Variants in BTBD8 observed in about 807,000 individuals in gnomAD.
BTBD8 encodes BTB/POZ domain-containing protein 8.
BTBD8 carries 110 observed loss-of-function variants against 162.9 expected under a neutral mutation model. The observed-to-expected ratio is 0.68, with a 90% CI of 0.58 to 0.79. The LOEUF (loss-of-function observed/expected upper bound fraction) is 0.79, where lower values mean the gene tolerates loss of function less well. Ranked by LOEUF, BTBD8 falls within the 30% of genes least tolerant of loss-of-function variation. The pLI is 0.00. For missense variants in BTBD8, 1,905 were observed against 2,085.4 expected (o/e 0.91, Z 1.68); for synonymous variants, 667 against 716.1 (o/e 0.93, Z 1.10).
At chr1:92,160,956 G>A (rs1275625111) in intron 9 of BTBD8, among the ~76,000 whole-genome samples, 1 of 152,158 alleles carries the variant, frequency 6.6e-6, no homozygotes, top group Non-Finnish European at 1.5e-5. Context: ...GCAACCCCTG[G>A]AAAAGTTGGG....
At chr1:92,178,201 G>T in intron 15 of BTBD8, 111 bp from the exon 16 acceptor site, 1 of 809,538 alleles carries the variant, frequency 1.2e-6, no homozygotes, top group Non-Finnish European at 1.9e-6. Flanking sequence ...TCTATTTTCA[G>T]GAGAGATGTA....
At chr1:92,130,995 C>T (rs996996288) in intron 5 of BTBD8, among the ~76,000 whole-genome samples, 9 of 152,260 alleles carry the variant, frequency 5.9e-5, no homozygotes, top group East Asian at 1.9e-4. Context: ...TGAGCTACTG[C>T]GCTTGGCCTA....
chr1:92,147,615 C>T (rs1270609759), intron 8 of BTBD8, 69 bp from the exon 9 acceptor site: 1 of 1,325,022 alleles, frequency 7.5e-7, no homozygotes, highest in South Asian at 1.3e-5. Flanking sequence ...TAATTGAAAA[C>T]CAAAATATTG....
chr1:92,149,212 G>A (rs1047735326), intron 9 of BTBD8, among the ~76,000 whole-genome samples: 1 of 152,048 alleles, frequency 6.6e-6, no homozygotes, highest in African/African-American at 2.4e-5. Flanking sequence ...AAATATTTTT[G>A]TTTTCCTCCT....
intron 9 of BTBD8, among the ~76,000 whole-genome samples, chr1:92,148,343 A>G (rs912217380): frequency 6.6e-6 from 1 of 152,184 alleles, no homozygotes; most frequent in Non-Finnish European, 1.5e-5. Flanking sequence ...ACACAGCATC[A>G]CTTCTGAATA....
Position 92,166,951 on chromosome 1 carries a change from A to T in BTBD8, c.1123-7A>T. The T allele has an allele frequency of 6.5e-7, 1 of 1,533,982 alleles. No individual in the cohort carries two copies. Among genetic ancestry groups the T allele is most frequent in the Admixed American group, 2.1e-5 (1 of 47,418 alleles). On this transcript the variant is annotated splice_polypyrimidine_tract_variant and splice_region_variant and intron_variant, in intron 9 of 17. Transcript: ENST00000636805. ...ATCTAACTTTCCAATTTTTTTTTAA[A>T]TCTAAGAATGATAAGAATGCTGCTT...
chr1:92,116,259 T>A (rs1423997349), intron 4 of BTBD8, among the ~76,000 whole-genome samples: 14 of 152,082 alleles, frequency 9.2e-5, no homozygotes, highest in Admixed American at 9.2e-4. Flanking sequence ...TGGCCCAGAA[T>A]ATGGTCTGTG....
Position 92,180,262 on chromosome 1 carries a change from T to C in BTBD8, c.2582-3T>C. 2 of 1,523,590 alleles carry C rather than the reference T, an allele frequency of 1.3e-6. No homozygotes were observed. Among genetic ancestry groups the C allele is most frequent in the Non-Finnish European group, 1.8e-6 (2 of 1,137,024 alleles). 94.4% of individuals were successfully genotyped at this position (1,523,590 alleles called of 1,614,324 possible). A position where few individuals can be genotyped will look rare whatever the true frequency, so the allele number is the denominator to read the frequency against. ...ACTGAATATACCCTCTTACTTTTCT[T>C]AGGATCCCAAGGAGAGTCACCAAAC... On this transcript the variant is annotated splice_polypyrimidine_tract_variant and splice_region_variant and intron_variant, in intron 16 of 17. Transcript: ENST00000636805.
intron 7 of BTBD8, among the ~76,000 whole-genome samples, chr1:92,144,806 AAAC>A (rs1380038739): frequency 1.0e-5 from 1 of 98,656 alleles, no homozygotes; most frequent in Non-Finnish European, 1.9e-5. Flanking sequence ...GCCAAAAAAA[AAAC>A]TACACACACA....
chr1:92,143,375 A>G (rs532644786), intron 7 of BTBD8, among the ~76,000 whole-genome samples: 2 of 152,124 alleles, frequency 1.3e-5, no homozygotes, highest in African/African-American at 4.8e-5. Context: ...TTTATTTTCA[A>G]TAATTCACTT....
rs139054268 is a variant in BTBD8, at chr1:92,099,263, T to C, written c.348-3210T>C. Reference sequence around the variant, plus strand: ...CTGATCTACATGTCCACCATTCTTATGTCAGTACTACACAGTCTTGATTAC... The same window carrying C: ...CTGATCTACATGTCCACCATTCTTACGTCAGTACTACACAGTCTTGATTAC... On this transcript the variant is annotated intron_variant, in intron 2 of 17. Transcript: ENST00000636805. 9.0e-3 allele frequency among the ~76,000 whole-genome samples: 1,371 copies of C among 152,312 alleles called. 16 individuals are homozygous for C. The highest frequency in any genetic ancestry group is 0.031 in the African/African-American group (1,287 of 41,570).
chr1:92,135,497 G>A (rs1265318208), intron 5 of BTBD8, among the ~76,000 whole-genome samples: 1 of 152,104 alleles, frequency 6.6e-6, no homozygotes, highest in Non-Finnish European at 1.5e-5. Context: ...TACATGTAAT[G>A]TTTTCATCTC....
Position 92,178,302 on chromosome 1 carries a change from T to A in BTBD8, c.2442-10T>A. On this transcript the variant is annotated splice_polypyrimidine_tract_variant and intron_variant, in intron 15 of 17. Coordinates refer to ENST00000636805, the MANE Select transcript of BTBD8 (RefSeq NM_001376131.1). Reference sequence around the variant, plus strand: ...TAAGTGTAATACTGAATGCAAATAATTTTTTTTAGTGTACTAAAGAAAGTC... The same window carrying A: ...TAAGTGTAATACTGAATGCAAATAAATTTTTTTAGTGTACTAAAGAAAGTC... The A allele has an allele frequency of 1.3e-6, 2 of 1,510,006 alleles. No individual in the cohort carries two copies. Among genetic ancestry groups the A allele is most frequent in the Non-Finnish European group, 1.8e-6 (2 of 1,119,762 alleles). The allele number at this position is 1,510,006 out of a possible 1,614,324, so 93.5% of individuals were successfully genotyped here.
chr1:92,080,791 C>T (rs2101886518), intron 1 of BTBD8, 71 bp downstream of exon 1: 1 of 1,538,916 alleles, frequency 6.5e-7, no homozygotes, highest in Non-Finnish European at 8.7e-7. Flanking sequence ...GCTGAGGCTT[C>T]TTTCGGCTCT....
chr1:92,156,079 A>C (rs1415640556), intron 9 of BTBD8, among the ~76,000 whole-genome samples: 1 of 152,190 alleles, frequency 6.6e-6, no homozygotes, highest in Non-Finnish European at 1.5e-5. Context: ...GGCCTCTATT[A>C]TGTTGAGATA....
intron 14 of BTBD8, 83 bp from the exon 15 acceptor site, chr1:92,177,728 T>C (rs1017566906): frequency 2.2e-6 from 2 of 908,512 alleles, no homozygotes; most frequent in Non-Finnish European, 3.5e-6. Flanking sequence ...TCATTTTGTT[T>C]ATAGTGTCTA....
chr1:92,143,224 C>G (rs1204164626), intron 7 of BTBD8, among the ~76,000 whole-genome samples: 1 of 151,966 alleles, frequency 6.6e-6, no homozygotes, highest in Non-Finnish European at 1.5e-5. Flanking sequence ...AGCTGAGATT[C>G]TTCAGTAAGC....
Position 92,122,448 on chromosome 1 carries a change from G to A in BTBD8, c.663-7239G>A, listed in dbSNP as rs1284416136. 4.6e-5 allele frequency among the ~76,000 whole-genome samples: 7 copies of A among 151,824 alleles called. No individual in the cohort carries two copies. In the South Asian group the frequency reaches 1.0e-3, roughly 23 times the overall value. On this transcript the variant is annotated intron_variant, in intron 4 of 17. Coordinates refer to ENST00000636805, the MANE Select transcript of BTBD8 (RefSeq NM_001376131.1). ...TAATTTTTATATTTTTAGTAGAGAC[G>A]GGATTTCACCATGTTGGCCAGGATG...
intron 13 of BTBD8, among the ~76,000 whole-genome samples, chr1:92,172,652 G>T (rs1260953067): frequency 6.6e-6 from 1 of 152,184 alleles, no homozygotes; most frequent in Non-Finnish European, 1.5e-5. Context: ...TTCCAGTTTG[G>T]AATGCAATGA....
Sources: allele counts gnomAD v4.1 joint callset (sites outside exome capture counted in the v4.1 genomes callset), GRCh38; gene constraint gnomAD v4.1.1; transcripts MANE v1.5; gene names NCBI Gene and HGNC (gene_info 2026-07-23, HGNC 2026-07-21).